The following VAV1 variants were observed in gnomAD, a reference collection of about 807,000 sequenced individuals.
The protein encoded by VAV1 is proto-oncogene vav.
Under a neutral mutation model 128.1 loss-of-function variants are expected in VAV1, and 33 were observed. The ratio of observed to expected loss-of-function variants is 0.26; its 90% CI spans 0.20 to 0.34. The LOEUF (loss-of-function observed/expected upper bound fraction) is 0.34, where lower values mean the gene tolerates loss of function less well. Among genes scored for constraint, VAV1 ranks in the 10% least tolerant of loss-of-function variants. VAV1 has a pLI of 1.00. For missense variants in VAV1, 715 were observed against 1,093.7 expected (o/e 0.65, Z 4.88); for synonymous variants, 394 against 409.8 (o/e 0.96, Z 0.47).
chr19:6,814,823 T>G (rs1291610163), intron 1 of VAV1, among the ~76,000 whole-genome samples: 1 of 151,504 alleles, frequency 6.6e-6, no homozygotes, highest in African/African-American at 2.4e-5. Flanking sequence ...GTTGCGTAGT[T>G]CTGATTTCAA....
chr19:6,789,971 T>C (rs1039460499), intron 1 of VAV1, among the ~76,000 whole-genome samples: 1 of 152,102 alleles, frequency 6.6e-6, no homozygotes, highest in African/African-American at 2.4e-5. Context: ...CTTGGGATGC[T>C]GAGGCGGGTG....
intron 1 of VAV1, among the ~76,000 whole-genome samples, chr19:6,806,424 G>A (rs1449395163): frequency 1.3e-5 from 2 of 152,076 alleles, no homozygotes; most frequent in Non-Finnish European, 2.9e-5. Flanking sequence ...TCTCAATGCC[G>A]TTTTGGAAGA....
intron 21 of VAV1, among the ~76,000 whole-genome samples, chr19:6,837,538 C>A (rs894767228): frequency 1.3e-5 from 2 of 152,038 alleles, no homozygotes; most frequent in Non-Finnish European, 2.9e-5. Context: ...TCAGACACCC[C>A]CTACCTCATT....
intron 19 of VAV1, among the ~76,000 whole-genome samples, chr19:6,834,994 G>T (rs1308149867): frequency 6.6e-6 from 1 of 151,710 alleles, no homozygotes; most frequent in African/African-American, 2.4e-5. Flanking sequence ...AGTGAGCCAT[G>T]ATCACGCCAC....
intron 1 of VAV1, among the ~76,000 whole-genome samples, chr19:6,799,318 C>CCA (rs1421294681): frequency 6.6e-6 from 1 of 152,112 alleles, no homozygotes; most frequent in Non-Finnish European, 1.5e-5. Context: ...CAGGTGTGCG[C>CCA]CACCACGCCT....
intron 21 of VAV1, among the ~76,000 whole-genome samples, chr19:6,838,238 A>T (rs1403868834): frequency 1.3e-5 from 2 of 150,572 alleles, no homozygotes; most frequent in African/African-American, 4.9e-5. Context: ...CATCATCATC[A>T]TCATCAATCT....
chr19:6,801,507 C>G (rs975481041), intron 1 of VAV1, among the ~76,000 whole-genome samples: 4 of 152,228 alleles, frequency 2.6e-5, no homozygotes, highest in African/African-American at 7.2e-5. Context: ...ACACTCTGCA[C>G]CCCTGCTTCG....
intron 21 of VAV1, among the ~76,000 whole-genome samples, chr19:6,838,914 T>G (rs1196398488): frequency 6.6e-6 from 1 of 151,800 alleles, no homozygotes; most frequent in African/African-American, 2.4e-5. Context: ...ATTTATTTAT[T>G]TATTTAAGAT....
intron 1 of VAV1, among the ~76,000 whole-genome samples, chr19:6,785,164 TTCTCTC>T: frequency 6.6e-6 from 1 of 151,854 alleles, no homozygotes; most frequent in Non-Finnish European, 1.5e-5. Flanking sequence ...AGGTTTCTCT[TTCTCTC>T]TCTCTCTGTC....
intron 14 of VAV1, 135 bp downstream of exon 14, chr19:6,830,053 G>A: frequency 7.2e-7 from 1 of 1,394,188 alleles, no homozygotes. Flanking sequence ...GGTGTTTTTT[G>A]TTTGTTTGTT....
Position 6,822,551 on chromosome 19 carries a change from C to G in VAV1, c.654+37C>G, listed in dbSNP as rs944172394. 3 of 1,532,480 alleles carry G rather than the reference C, an allele frequency of 2.0e-6. No homozygotes were observed. The highest frequency in any genetic ancestry group is 2.6e-6 in the Non-Finnish European group (3 of 1,139,550). The allele number at this position is 1,532,480 out of a possible 1,614,324, so 94.9% of individuals were successfully genotyped here. A position where few individuals can be genotyped will look rare whatever the true frequency, so the allele number is the denominator to read the frequency against. ...CCACCCAGCGCCTGCCGGGCGCATGCGCGGGAGCTGGGCCGGCAGGTGCAC... is the reference window on the plus strand; with the variant it reads ...CCACCCAGCGCCTGCCGGGCGCATGGGCGGGAGCTGGGCCGGCAGGTGCAC... On this transcript the variant is annotated intron_variant, in intron 6 of 26. Coordinates refer to ENST00000602142, the MANE Select transcript of VAV1 (RefSeq NM_005428.4). The surrounding 1 kb of genome is among the most constrained non-coding windows in gnomAD (Gnocchi z 5.9).
At chr19:6,836,598 G>T (rs1185498788) in intron 20 of VAV1, 30 bp downstream of exon 20, 1 of 1,612,288 alleles carries the variant, frequency 6.2e-7, no homozygotes, top group African/African-American at 1.3e-5. Flanking sequence ...GAGTGATGGG[G>T]TGGGACCCAA....
In VAV1 at chr19:6,854,056, G is replaced by C; in HGVS notation, c.2442G>C (p.Lys814Asn). Residue 814 changes from lysine to asparagine, a missense_variant, in exon 26 of 27, where the codon AAG becomes AAC. By Grantham distance (94) the Lys-to-Asn change is moderately conservative. Transcript: ENST00000602142. Reference sequence around the variant, plus strand: ...GTGACATCATCAAGATCCTTAACAAGAAGGGACAGCAAGGCTGGTGGCGAG... The same window carrying C: ...GTGACATCATCAAGATCCTTAACAACAAGGGACAGCAAGGCTGGTGGCGAG... ...KEGDIIKILN[K>N]KGQQGWWRGE... is the part of the protein sequence containing the mutation. The C allele has an allele frequency of 1.9e-6, 3 of 1,613,902 alleles. No homozygotes were observed. The highest frequency in any genetic ancestry group is 2.5e-6 in the Non-Finnish European group (3 of 1,180,030).
At chr19:6,787,610 A>G (rs1364558938) in intron 1 of VAV1, among the ~76,000 whole-genome samples, 1 of 137,302 alleles carries the variant, frequency 7.3e-6, no homozygotes, top group Non-Finnish European at 1.6e-5. Flanking sequence ...TTATTTATTT[A>G]TTTAAAGTCT....
chr19:6,809,586 C>T (rs1048172765), intron 1 of VAV1, among the ~76,000 whole-genome samples: 1 of 152,022 alleles, frequency 6.6e-6, no homozygotes, highest in Non-Finnish European at 1.5e-5. Context: ...GAGAAGTCAG[C>T]AGGGGCCGTG....
At chr19:6,842,178 C>A (rs942716489) in intron 21 of VAV1, among the ~76,000 whole-genome samples, 1 of 151,868 alleles carries the variant, frequency 6.6e-6, no homozygotes, top group African/African-American at 2.4e-5. Context: ...TGCTGTGAGC[C>A]AAGATCGCGC....
chr19:6,833,217 C>T lies in VAV1; in HGVS notation c.1542C>T (p.Asn514=), dbSNP rs199798227. The change falls in exon 16 of 27, where the codon AAC becomes AAT. Residue 514 remains asparagine (N), a synonymous_variant. Coordinates refer to ENST00000602142, the MANE Select transcript of VAV1 (RefSeq NM_005428.4). Reference sequence around the variant, plus strand: ...TCTATCCGGAGAATGCCACCGCCAACGGGCATGACTTCCAGATGTTCTCCT... The same window carrying T: ...TCTATCCGGAGAATGCCACCGCCAATGGGCATGACTTCCAGATGTTCTCCT... The part of the protein sequence containing the change: ...SNIYPENATA[N]GHDFQMFSFE... The T allele has an allele frequency of 6.9e-5, 112 of 1,612,892 alleles. No individual in the cohort carries two copies. The highest frequency in any genetic ancestry group is 1.1e-4 in the East Asian group (5 of 44,852).
At chr19:6,821,965 G>C (rs1971800334) in intron 4 of VAV1, 106 bp downstream of exon 4, 1 of 1,460,682 alleles carries the variant, frequency 6.8e-7, no homozygotes, top group Admixed American at 1.7e-5. Flanking sequence ...GTCATACCCT[G>C]GTGTCTGGGG....
intron 14 of VAV1, among the ~76,000 whole-genome samples, chr19:6,831,745 G>A (rs190086650): frequency 1.6e-4 from 25 of 152,308 alleles, no homozygotes; most frequent in African/African-American, 5.8e-4. Flanking sequence ...TCTGTCCCCA[G>A]CTCCTAGCAG....
Sources: gnomAD v4.1 joint callset for allele counts (sites outside exome capture counted in the v4.1 genomes callset) on GRCh38, gnomAD v4.1.1 for gene constraint, Gnocchi (gnomAD v3.1) non-coding constraint, MANE v1.5 for transcripts, NCBI Gene and HGNC (gene_info 2026-07-23, HGNC 2026-07-21) for gene names.